The following HK1 variants were observed in gnomAD, a reference collection of about 807,000 sequenced individuals.
The protein encoded by HK1 is hexokinase-1.
A neutral mutation model predicts 91.6 loss-of-function variants in HK1; 28 were observed. The observed-to-expected ratio is 0.31, with a 90% CI of 0.23 to 0.42. The LOEUF is 0.42. HK1 is among the 10% of genes least tolerant of loss of function. HK1 has a pLI of 1.00. For synonymous variants in HK1, 430 were observed against 468.1 expected (o/e 0.92, Z 1.05); for missense variants, 770 against 1,219.8 (o/e 0.63, Z 5.49).
At chr10:69,294,997 C>G (rs983236297) in intron 3 of HK1, among the ~76,000 whole-genome samples, 10 of 143,290 alleles carry the variant, frequency 7.0e-5, no homozygotes, top group African/African-American at 2.6e-4. Flanking sequence ...CCACCGCACT[C>G]CAAGCCTGGG....
Position 69,400,984 on chromosome 10 carries a change from T to G in HK1, c.2610-7T>G. The G allele has an allele frequency of 6.2e-7, 1 of 1,614,124 alleles. No individual in the cohort carries two copies. Among genetic ancestry groups the G allele is most frequent in the Non-Finnish European group, 8.5e-7 (1 of 1,179,992 alleles). On this transcript the variant is annotated splice_polypyrimidine_tract_variant and splice_region_variant and intron_variant, in intron 17 of 17. Coordinates refer to ENST00000359426, the MANE Select transcript of HK1 (RefSeq NM_000188.3). The stretch of plus-strand genomic sequence containing the variant: ...CCAACTACCTTCTGTTTTCTCGTCC[T>G]TTTTAGCTTCTCCAGAATCATGCAC...
At chr10:69,306,256 G>A (rs1846098150) in intron 5 of HK1, among the ~76,000 whole-genome samples, 1 of 152,116 alleles carries the variant, frequency 6.6e-6, no homozygotes, top group African/African-American at 2.4e-5. Flanking sequence ...TACTCAGGAG[G>A]CTGAGGCAGG....
intron 10 of HK1, among the ~76,000 whole-genome samples, 174 bp downstream of exon 10, chr10:69,382,965 T>TAA (rs1839467963): frequency 2.6e-5 from 4 of 152,188 alleles, no homozygotes; most frequent in Non-Finnish European, 5.9e-5. Flanking sequence ...ATTTGTCATG[T>TAA]GTGTGACTCA....
chr10:69,296,540 T>A (rs1845571530), intron 4 of HK1, among the ~76,000 whole-genome samples: 3 of 152,104 alleles, frequency 2.0e-5, no homozygotes, highest in Middle Eastern at 3.2e-3. Flanking sequence ...AAAGAGAAAG[T>A]TACAACATAG....
chr10:69,277,507 G>T (rs1844528930), intron 1 of HK1, among the ~76,000 whole-genome samples: 1 of 152,190 alleles, frequency 6.6e-6, no homozygotes, highest in Non-Finnish European at 1.5e-5. Flanking sequence ...GGTCGAGGCT[G>T]CAGTGAGCCA....
chr10:69,318,807 C>T (rs991522163), upstream of HK1: 51 of 1,396,448 alleles, frequency 3.7e-5, no homozygotes, highest in Non-Finnish European at 4.3e-5. Context: ...GAGCTGTCGC[C>T]GCGCCCCGGG....
intron 17 of HK1, among the ~76,000 whole-genome samples, chr10:69,399,402 CTCGGG>C (rs1302326389): frequency 6.6e-6 from 1 of 152,126 alleles, no homozygotes; most frequent in Admixed American, 6.5e-5. Context: ...GTCCCAGCTA[CTCGGG>C]AGGCTGAGGG....
intron 2 of HK1, among the ~76,000 whole-genome samples, chr10:69,345,474 C>T (rs1848500782): frequency 6.6e-6 from 1 of 152,246 alleles, no homozygotes; most frequent in Admixed American, 6.5e-5. Flanking sequence ...AGCACTGGAA[C>T]CTTTCCAGGA....
chr10:69,291,231 T>A (rs1467945260), intron 3 of HK1, among the ~76,000 whole-genome samples: 2 of 152,248 alleles, frequency 1.3e-5, no homozygotes, highest in African/African-American at 4.8e-5. Flanking sequence ...TCAGCAGGTT[T>A]GGACTCCTGC....
chr10:69,328,359 G>C (rs1412769703), intron 1 of HK1, among the ~76,000 whole-genome samples: 2 of 152,192 alleles, frequency 1.3e-5, no homozygotes, highest in Non-Finnish European at 2.9e-5. Flanking sequence ...TACAGGGAAG[G>C]GGGCATTCAG....
In HK1 at chr10:69,382,548, C is replaced by T. The variant is rs774586043; in HGVS notation, c.1327C>T (p.Leu443Phe). Residue 443 changes from leucine to phenylalanine, a missense_variant, in exon 10 of 18, where the codon CTC (leucine) becomes TTC (phenylalanine). Physicochemically the swap from Leu to Phe is conservative, Grantham distance 22. Coordinates refer to ENST00000359426, the MANE Select transcript of HK1 (RefSeq NM_000188.3). The stretch of plus-strand genomic sequence containing the variant: ...GGTGCCAGACTCCGATGTGCGCTTC[C>T]TCCTCTCGGAGAGTGGCAGCGGCAA... ...RLVPDSDVRF[L>F]LSESGSGKGA... The T allele has an allele frequency of 6.2e-6, 10 of 1,614,210 alleles. No individual in the cohort carries two copies. The East Asian group carries it at 2.2e-4, about 36-fold the overall frequency.
chr10:69,293,000 C>T (rs1168002959), intron 3 of HK1, among the ~76,000 whole-genome samples: 1 of 152,190 alleles, frequency 6.6e-6, no homozygotes, highest in Non-Finnish European at 1.5e-5. Flanking sequence ...TCTAATCCAT[C>T]TGATTCATCT....
At position 69,369,612 on chromosome 10, in the gene HK1, C is replaced by T. The variant is rs1214031403; in HGVS notation, c.863C>T (p.Pro288Leu). 3 of 1,613,920 alleles carry T rather than the reference C, an allele frequency of 1.9e-6. No individual in the cohort carries two copies. Among genetic ancestry groups the T allele is most frequent in the Non-Finnish European group, 2.5e-6 (3 of 1,179,988 alleles). ...GAGATAGACCGGGGATCCCTCAACCCTGGAAAACAGCTGTGAGTCCTTGAC... is the reference window on the plus strand; with the variant it reads ...GAGATAGACCGGGGATCCCTCAACCTTGGAAAACAGCTGTGAGTCCTTGAC... ...DREIDRGSLN[P>L]GKQLFEKMVS... is the part of the protein sequence containing the mutation. Residue 288 changes from proline to leucine, a missense_variant, in exon 7 of 18, where the codon CCT (proline) becomes CTT (leucine). By Grantham distance (98) the Pro-to-Leu change is moderately conservative. Transcript: ENST00000359426. The surrounding 1 kb of genome is among the most constrained non-coding windows in gnomAD (Gnocchi z 4.4).
At chr10:69,366,416 G>C (rs1323960329) in intron 4 of HK1, among the ~76,000 whole-genome samples, 1 of 152,106 alleles carries the variant, frequency 6.6e-6, no homozygotes, top group East Asian at 1.9e-4. Context: ...ACTGCTTCCT[G>C]TGGCTGGAAC....
chr10:69,316,070 T>G, upstream of HK1: 2 of 1,368,616 alleles, frequency 1.5e-6, no homozygotes, highest in Non-Finnish European at 2.1e-6. Context: ...TGAGAGGGGA[T>G]GCTTGGTCAG....
intron 13 of HK1, 73 bp from the exon 14 acceptor site, chr10:69,389,124 C>G: frequency 8.6e-7 from 1 of 1,161,682 alleles, no homozygotes. Context: ...TGCAGTGCAA[C>G]AGACAGAACC....
At chr10:69,350,924 A>G (rs562128900) in intron 2 of HK1, among the ~76,000 whole-genome samples, 441 of 150,554 alleles carry the variant, frequency 2.9e-3, no homozygotes, top group Non-Finnish European at 5.2e-3. Flanking sequence ...TAATCCCAGC[A>G]CTTTGGGAGG....
intron 1 of HK1, among the ~76,000 whole-genome samples, chr10:69,333,686 G>C (rs1356658525): frequency 6.6e-6 from 1 of 152,116 alleles, no homozygotes; most frequent in Non-Finnish European, 1.5e-5. Flanking sequence ...CACAGCCCTA[G>C]GTTCCACCTG....
intron 3 of HK1, chr10:69,292,181 T>C (rs1845323792): frequency 3.9e-6 from 1 of 255,362 alleles, no homozygotes; most frequent in African/African-American, 2.3e-5. Context: ...ACTGATCCTC[T>C]TGCCTCAGCC....
Sources: gnomAD v4.1 joint callset for allele counts (sites outside exome capture counted in the v4.1 genomes callset) on GRCh38, gnomAD v4.1.1 for gene constraint, Gnocchi (gnomAD v3.1) non-coding constraint, MANE v1.5 for transcripts, NCBI Gene and HGNC (gene_info 2026-07-23, HGNC 2026-07-21) for gene names.